The following PDE4DIP variants were observed in gnomAD, a reference collection of about 807,000 sequenced individuals.
PDE4DIP encodes the protein myomegalin.
In PDE4DIP, 59 loss-of-function variants were observed where a neutral mutation model predicts 221.4. The observed-to-expected ratio is 0.27, with a 90% confidence interval of 0.22 to 0.33. PDE4DIP has a LOEUF of 0.33. Among genes scored for constraint, PDE4DIP ranks in the 10% least tolerant of loss-of-function variants. The pLI is 1.00. For synonymous variants in PDE4DIP, 404 were observed against 815.9 expected (o/e 0.50, Z 8.60); for missense variants, 1,036 against 2,154.2 (o/e 0.48, Z 10.28).
At chr1:148,992,433 A>G (rs782114379) in intron 22 of PDE4DIP, 3 of 1,426,222 alleles carry the variant, frequency 2.1e-6, no homozygotes, top group Non-Finnish European at 2.8e-6. Flanking sequence ...CCAAAGCAAG[A>G]ATCTTTCTCA....
intron 5 of PDE4DIP, among the ~76,000 whole-genome samples, chr1:148,950,754 C>T (rs587759284): frequency 6.6e-6 from 1 of 151,496 alleles, no homozygotes; most frequent in African/African-American, 2.4e-5. Flanking sequence ...CCCCCCCCAC[C>T]GCCCCAAACA....
chr1:148,828,617 A>C lies in PDE4DIP; in HGVS notation c.233+19880A>C, dbSNP rs76101757. Among the ~76,000 whole-genome samples, 64 of 151,696 alleles carry C rather than the reference A, an allele frequency of 4.2e-4. No individual in the cohort carries two copies. The East Asian group carries it at 0.011, about 27-fold the overall frequency. On this transcript the variant is annotated intron_variant, in intron 1 of 45. Transcript: ENST00000524974. ...TTTTGAGAACTGATATCTATGTTCA[A>C]ATCAAGGAGAATTATTCATGTAATT...
At chr1:149,020,636 A>G in intron 36 of PDE4DIP, 1 of 368,800 alleles carries the variant, frequency 2.7e-6, no homozygotes, top group Middle Eastern at 8.1e-4. Context: ...TTCCAATTAG[A>G]TATAGGACAT....
intron 1 of PDE4DIP, among the ~76,000 whole-genome samples, chr1:148,902,763 G>T (rs9424645): frequency 1.0e-5 from 1 of 100,058 alleles, no homozygotes; most frequent in Non-Finnish European, 1.8e-5. Context: ...ATATATATAT[G>T]TGTGTGTATA....
chr1:148,933,089 G>C, intron 4 of PDE4DIP, among the ~76,000 whole-genome samples: 1 of 152,124 alleles, frequency 6.6e-6, no homozygotes, highest in Non-Finnish European at 1.5e-5. Flanking sequence ...AAGCCTCCCA[G>C]TTTATGGTGT....
At chr1:148,888,349 ACGTAGCT>A (rs1696936781), upstream of PDE4DIP, among the ~76,000 whole-genome samples, 1 of 149,332 alleles carries the variant, frequency 6.7e-6, no homozygotes, top group Non-Finnish European at 1.5e-5. Context: ...CTGTATGGCC[ACGTAGCT>A]CTTTGAGGGT....
intron 2 of PDE4DIP, 70 bp downstream of exon 5, chr1:148,929,343 A>C (rs2047335732): frequency 1.3e-6 from 2 of 1,489,380 alleles, no homozygotes; most frequent in Non-Finnish European, 1.8e-6. Context: ...ATAGATTTGG[A>C]ACCAAATTCC....
At chr1:148,999,614 C>A (rs2065143397) in intron 23 of PDE4DIP, among the ~76,000 whole-genome samples, 1 of 151,776 alleles carries the variant, frequency 6.6e-6, no homozygotes, top group Admixed American at 6.6e-5. Context: ...ATCATAATAA[C>A]TTTTTCCTTA....
intron 17 of PDE4DIP, among the ~76,000 whole-genome samples, chr1:148,977,569 T>C (rs2060428343): frequency 6.7e-6 from 1 of 149,616 alleles, no homozygotes; most frequent in South Asian, 2.2e-4. Context: ...GGTTGCAAAA[T>C]GGAGATATCC....
chr1:148,917,225 A>G (rs2044295932), intron 1 of PDE4DIP, among the ~76,000 whole-genome samples: 1 of 151,930 alleles, frequency 6.6e-6, no homozygotes, highest in Non-Finnish European at 1.5e-5. Context: ...ATTCTAACAG[A>G]GTGACTATAG....
chr1:148,934,467 G>A (rs1553473467), intron 4 of PDE4DIP, among the ~76,000 whole-genome samples: 1 of 152,208 alleles, frequency 6.6e-6, no homozygotes, highest in African/African-American at 2.4e-5. Context: ...TCAAAGAGAT[G>A]AGCAAAGTTT....
At chr1:148,933,708 C>T (rs1235026472) in intron 4 of PDE4DIP, among the ~76,000 whole-genome samples, 6 of 152,218 alleles carry the variant, frequency 3.9e-5, no homozygotes, top group South Asian at 4.1e-4. Flanking sequence ...TAAATTTAAT[C>T]GCACCATGGC....
intron 21 of PDE4DIP, among the ~76,000 whole-genome samples, chr1:148,987,310 A>T (rs2062082100): frequency 6.6e-6 from 1 of 152,154 alleles, no homozygotes; most frequent in Non-Finnish European, 1.5e-5. Flanking sequence ...ATGGAATCTT[A>T]ATAGTTTTCT....
chr1:148,930,643 AAGG>A (rs1222076814), intron 2 of PDE4DIP: 6 of 151,836 alleles, frequency 4.0e-5, no homozygotes, highest in African/African-American at 1.2e-4. Context: ...ACATCTAACC[AAGG>A]AGGTGAAAGA....
chr1:148,978,403 C>A (rs1553539626), exon 19 of PDE4DIP: 1 of 1,603,380 alleles, frequency 6.2e-7, no homozygotes, highest in East Asian at 2.2e-5. Context: ...TTTCAGGAAA[C>A]CGAAGACAAC....
intron 1 of PDE4DIP, among the ~76,000 whole-genome samples, chr1:148,917,335 A>G (rs1397883854): frequency 6.9e-6 from 1 of 144,794 alleles, no homozygotes; most frequent in African/African-American, 2.6e-5. Context: ...CAGAGTCTAA[A>G]TAAAACAAGC....
intron 5 of PDE4DIP, among the ~76,000 whole-genome samples, chr1:148,941,509 G>C (rs1433705816): frequency 1.5e-5 from 2 of 134,322 alleles, no homozygotes; most frequent in Non-Finnish European, 3.2e-5. Flanking sequence ...TTTGCATTTA[G>C]AAAGGTAATC....
At chr1:149,017,986 G>C (rs1256788200) in intron 34 of PDE4DIP, 107 bp downstream of exon 37, 4 of 1,036,888 alleles carry the variant, frequency 3.9e-6, no homozygotes, top group South Asian at 1.5e-5. Context: ...AGTCCAGCAA[G>C]GGAGGTGGGC....
At chr1:149,004,019 TA>T (rs1553588292) in intron 26 of PDE4DIP, among the ~76,000 whole-genome samples, 1 of 151,512 alleles carries the variant, frequency 6.6e-6, no homozygotes. Context: ...AGCCATAAAT[TA>T]AAAATAATTT....
Sources: gnomAD v4.1 joint callset for allele counts (sites outside exome capture counted in the v4.1 genomes callset) on GRCh38, gnomAD v4.1.1 for gene constraint, MANE v1.5 for transcripts, NCBI Gene and HGNC (gene_info 2026-07-23, HGNC 2026-07-21) for gene names.